PROS1: variants seen among roughly 807,000 people sequenced by gnomAD.
The protein encoded by PROS1 is protein S.
In PROS1, 29 loss-of-function variants were observed where a neutral mutation model predicts 75.9. The ratio of observed to expected loss-of-function variants is 0.38; its 90% CI spans 0.28 to 0.52. PROS1 has a LOEUF of 0.52. Ranked by LOEUF, PROS1 falls within the 20% of genes least tolerant of loss-of-function variation. PROS1 has a pLI of 0.83. For synonymous variants in PROS1, 245 were observed against 280.6 expected, an observed-to-expected ratio of 0.87 and a Z score of 1.27; for missense variants, 680 against 810.3, an observed-to-expected ratio of 0.84 and a Z score of 1.95.
At chr3:93,902,715 A>G (rs1444387980) in intron 6 of PROS1, among the ~76,000 whole-genome samples, 1 of 151,658 alleles carries the variant, frequency 6.6e-6, no homozygotes, top group Non-Finnish European at 1.5e-5. Flanking sequence ...CTCACACTAC[A>G]TTCCAGCCTG....
chr3:93,879,151 G>C lies in PROS1; in HGVS notation c.1644+12C>G. The stretch of plus-strand genomic sequence containing the variant: ...GAAAAACAAGGCTTATATAGGTTTA[G>C]AGTTAAGTTACCTGTGATTTTTCAG... On this transcript the variant is annotated intron_variant, in intron 13 of 14. Coordinates refer to ENST00000394236, the MANE Select transcript of PROS1 (RefSeq NM_000313.4). The C allele has an allele frequency of 6.2e-7, 1 of 1,612,372 alleles. No individual in the cohort carries two copies. Among genetic ancestry groups the C allele is most frequent in the Non-Finnish European group, 8.5e-7 (1 of 1,178,690 alleles).
At chr3:93,894,656 C>T (rs1263733961) in intron 9 of PROS1, among the ~76,000 whole-genome samples, 1 of 152,064 alleles carries the variant, frequency 6.6e-6, no homozygotes, top group Non-Finnish European at 1.5e-5. Context: ...TTTTCACAAG[C>T]ATGGTAAACA....
chr3:93,904,984 C>A (rs1708652246), intron 6 of PROS1, among the ~76,000 whole-genome samples: 2 of 152,260 alleles, frequency 1.3e-5, no homozygotes, highest in Non-Finnish European at 2.9e-5. Context: ...AAAACTAGAT[C>A]TTTTACTTTC....
At chr3:93,953,515 CAA>C (rs1433503948) in intron 1 of PROS1, among the ~76,000 whole-genome samples, 25 of 152,112 alleles carry the variant, frequency 1.6e-4, no homozygotes, top group Non-Finnish European at 3.2e-4. Flanking sequence ...AGGCCTTCAG[CAA>C]AATTCAACAG....
intron 11 of PROS1, 72 bp downstream of exon 11, chr3:93,886,264 A>G (rs968109661): frequency 1.8e-5 from 24 of 1,368,044 alleles, no homozygotes; most frequent in Non-Finnish European, 2.4e-5. Context: ...ATTCTCAGAA[A>G]CACACATATT....
intron 12 of PROS1, 47 bp from the exon 13 acceptor site, chr3:93,879,361 T>C (rs181813148): frequency 2.8e-5 from 45 of 1,594,458 alleles, no homozygotes; most frequent in Admixed American, 1.2e-4. Context: ...ACTCCTAAAG[T>C]GCATCAGAAG....
In PROS1 at chr3:93,905,873, C is replaced by A. The variant is rs1318913987; in HGVS notation, c.512G>T (p.Cys171Phe). ...AGGTGTATTATCACAAATTTGACTG[C>A]AACCTCCATTTATATTTGAGGGATC... is the stretch of plus-strand genomic sequence containing the variant. ...CKDPSNINGG[C>F]SQICDNTPGS... is the part of the protein sequence containing the mutation. Residue 171 changes from cysteine (C) to phenylalanine (F), a missense_variant, in exon 6 of 15, where the codon TGC becomes TTC. By Grantham distance (205) the Cys-to-Phe change is radical. Coordinates refer to ENST00000394236, the MANE Select transcript of PROS1 (RefSeq NM_000313.4). 1 of 1,613,098 alleles carries A rather than the reference C, an allele frequency of 6.2e-7. No individual in the cohort carries two copies. Among genetic ancestry groups the A allele is most frequent in the Non-Finnish European group, 8.5e-7 (1 of 1,179,148 alleles).
chr3:93,876,734 G>A (rs1284580447), intron 14 of PROS1, among the ~76,000 whole-genome samples: 1 of 151,920 alleles, frequency 6.6e-6, no homozygotes, highest in Non-Finnish European at 1.5e-5. Context: ...CTTTCTGGCT[G>A]GGATAGCCAA....
In PROS1 at chr3:93,935,245, C is replaced by A. The variant is rs8178606; in HGVS notation, c.77-7838G>T. On this transcript the variant is annotated intron_variant, in intron 1 of 14. Transcript: ENST00000394236. Reference sequence around the variant, plus strand: ...TTTCTCCTGACTACTAGATTGCAAACTGGTTATGTTTCCTAATGCTACAAC... The same window carrying A: ...TTTCTCCTGACTACTAGATTGCAAAATGGTTATGTTTCCTAATGCTACAAC... Among the ~76,000 whole-genome samples the A allele has an allele frequency of 6.3e-3, 953 of 152,098 alleles. 13 individuals are homozygous for A. The highest frequency in any genetic ancestry group is 0.022 in the African/African-American group (919 of 41,468).
intron 3 of PROS1, among the ~76,000 whole-genome samples, chr3:93,911,725 T>A (rs1374351773): frequency 6.6e-6 from 1 of 152,184 alleles, no homozygotes; most frequent in Non-Finnish European, 1.5e-5. Context: ...GGTCTTAAAG[T>A]GGCACTTCTT....
At chr3:93,972,160 T>C (rs68145886) in intron 1 of PROS1, among the ~76,000 whole-genome samples, 12,396 of 152,250 alleles carry the variant, frequency 0.081, 617 homozygotes, top group Middle Eastern at 0.19. Context: ...GAGTTAAGTG[T>C]GGCAAGCTAC....
chr3:93,899,349 A>G (rs539253039), intron 7 of PROS1, among the ~76,000 whole-genome samples: 4 of 152,232 alleles, frequency 2.6e-5, no homozygotes, highest in African/African-American at 7.2e-5. Context: ...TTAAAACTCC[A>G]CAAGCTCATA....
At chr3:93,933,960 G>A (rs1218139212) in intron 1 of PROS1, among the ~76,000 whole-genome samples, 1 of 147,950 alleles carries the variant, frequency 6.8e-6, no homozygotes, top group African/African-American at 2.5e-5. Flanking sequence ...AGTGAGCTGA[G>A]ATCGTGCTGC....
rs183283297 is a variant in PROS1, at chr3:93,935,062, A to G, written c.77-7655T>C. Reference sequence around the variant, plus strand: ...AATATCTTTACTCGAATGATAGAATACACGGCTTTATTACCCAGAAAAAAA... The same window carrying G: ...AATATCTTTACTCGAATGATAGAATGCACGGCTTTATTACCCAGAAAAAAA... On this transcript the variant is annotated intron_variant, in intron 1 of 14. Transcript: ENST00000394236. Among the ~76,000 whole-genome samples the G allele has an allele frequency of 1.6e-3, 251 of 152,334 alleles. 3 individuals carry two copies. The highest frequency in any genetic ancestry group is 3.0e-3 in the Non-Finnish European group (201 of 68,036).
At chr3:93,961,564 T>C (rs544956310) in intron 1 of PROS1, among the ~76,000 whole-genome samples, 1 of 152,222 alleles carries the variant, frequency 6.6e-6, no homozygotes, top group African/African-American at 2.4e-5. Flanking sequence ...TTTAGCCTTG[T>C]GAGATTCTGA....
intron 3 of PROS1, 150 bp from the exon 4 acceptor site, chr3:93,910,855 C>T (rs1358520263): frequency 4.5e-6 from 3 of 673,444 alleles, no homozygotes; most frequent in Non-Finnish European, 5.2e-6. Flanking sequence ...ATGTTTCCAT[C>T]TACCTTTCTG....
intron 1 of PROS1, among the ~76,000 whole-genome samples, chr3:93,954,493 T>A (rs941664084): frequency 6.6e-6 from 1 of 152,152 alleles, no homozygotes; most frequent in Non-Finnish European, 1.5e-5. Flanking sequence ...CCCTATTTAA[T>A]AAATAGTGCC....
intron 1 of PROS1, among the ~76,000 whole-genome samples, chr3:93,940,492 C>T (rs1214417760): frequency 6.6e-6 from 1 of 152,100 alleles, no homozygotes; most frequent in Non-Finnish European, 1.5e-5. Context: ...CTTAAAACTC[C>T]CCAACTCTGA....
chr3:93,947,022 C>T (rs1426834417), intron 1 of PROS1, among the ~76,000 whole-genome samples: 5 of 152,128 alleles, frequency 3.3e-5, no homozygotes, highest in African/African-American at 9.7e-5. Flanking sequence ...CGAACAGAAA[C>T]TTCTCAAAAG....
Sources: gnomAD v4.1 joint callset for allele counts (sites outside exome capture counted in the v4.1 genomes callset) on GRCh38, gnomAD v4.1.1 for gene constraint, MANE v1.5 for transcripts, NCBI Gene and HGNC (gene_info 2026-07-23, HGNC 2026-07-21) for gene names.